EPS8: variants seen among roughly 807,000 people sequenced by gnomAD.
EPS8 encodes the protein EGFR pathway substrate 8, signaling adaptor, also known as epidermal growth factor receptor kinase substrate 8.
A neutral mutation model predicts 103.8 loss-of-function variants in EPS8; 42 were observed. The ratio of observed to expected loss-of-function variants is 0.40; its 90% CI spans 0.32 to 0.52. The LOEUF is 0.52. Among genes scored for constraint, EPS8 ranks in the 20% least tolerant of loss-of-function variants. EPS8 has a pLI of 0.40. For synonymous variants in EPS8, 344 were observed against 344.6 expected, an observed-to-expected ratio of 1.00 and a Z score of 0.02; for missense variants, 969 against 1,005.1, an observed-to-expected ratio of 0.96 and a Z score of 0.49.
Position 15,785,768 on chromosome 12 carries a change from C to T in EPS8, c.-22+3393G>A, listed in dbSNP as rs1212913040. On this transcript the variant is annotated intron_variant, in intron 1 of 20. Transcript: ENST00000281172. This position sits in a 1 kb window ranked among gnomAD's most constrained non-coding sequence, Gnocchi z 4.9. ...ATGTATACAGATGAACCTAGAGCATCTCATAATACCAGAAAGTAAGGAAAT... is the reference window on the plus strand; with the variant it reads ...ATGTATACAGATGAACCTAGAGCATTTCATAATACCAGAAAGTAAGGAAAT... Among the ~76,000 whole-genome samples, 1 of 151,720 alleles carries T rather than the reference C, an allele frequency of 6.6e-6. No individual in the cohort carries two copies. Among genetic ancestry groups the T allele is most frequent in the Non-Finnish European group, 1.5e-5 (1 of 67,912 alleles).
chr12:15,759,038 T>A lies in EPS8; in HGVS notation c.-22+30123A>T, dbSNP rs74063368. Among the ~76,000 whole-genome samples, 479 of 152,292 alleles carry A rather than the reference T, an allele frequency of 3.1e-3. No homozygotes were observed. Among genetic ancestry groups the A allele is most frequent in the African/African-American group, 0.011 (444 of 41,568 alleles). ...CTACAGATTTTTTTTTAAAATTTTT[T>A]AATTAAAAGATGCAGGGGAATTAAA... On this transcript the variant is annotated intron_variant, in intron 1 of 20. Transcript: ENST00000281172. This position sits in a 1 kb window ranked among gnomAD's most constrained non-coding sequence, Gnocchi z 4.9.
At chr12:15,694,456 C>A (rs1318796185) in intron 1 of EPS8, among the ~76,000 whole-genome samples, 3 of 152,166 alleles carry the variant, frequency 2.0e-5, no homozygotes, top group Non-Finnish European at 4.4e-5. Flanking sequence ...CATTACTGTT[C>A]ACGAAAAGCT....
At chr12:15,765,640 A>C (rs1444431489) in intron 1 of EPS8, among the ~76,000 whole-genome samples, 1 of 152,152 alleles carries the variant, frequency 6.6e-6, no homozygotes, top group African/African-American at 2.4e-5. Context: ...AATGGCCAAC[A>C]GAAACTGGAG....
At position 15,708,290 on chromosome 12, in the gene EPS8, G is replaced by A. The variant is rs562796827; in HGVS notation, c.-21-25318C>T. 2.6e-5 allele frequency among the ~76,000 whole-genome samples: 4 copies of A among 152,300 alleles called. No individual in the cohort carries two copies. The South Asian group carries it at 8.3e-4, about 32-fold the overall frequency. On this transcript the variant is annotated intron_variant, in intron 1 of 20. Coordinates refer to ENST00000281172, the MANE Select transcript of EPS8 (RefSeq NM_004447.6). ...TGTAAAGACAGTAATAATACCTACT[G>A]TATCAGGTTTTGTGAGAATTCCATA...
intron 1 of EPS8, among the ~76,000 whole-genome samples, chr12:15,773,123 A>G (rs1488013100): frequency 6.6e-6 from 1 of 152,148 alleles, no homozygotes; most frequent in Non-Finnish European, 1.5e-5. Flanking sequence ...CAGCAAAAGG[A>G]TGTTAAGAGA....
intron 17 of EPS8, among the ~76,000 whole-genome samples, chr12:15,636,020 T>C (rs900408666): frequency 2.6e-5 from 4 of 152,184 alleles, no homozygotes; most frequent in African/African-American, 9.7e-5. Context: ...GGATATATAA[T>C]AAATAACATC....
chr12:15,742,181 C>T (rs1406591572), intron 1 of EPS8, among the ~76,000 whole-genome samples: 1 of 152,190 alleles, frequency 6.6e-6, no homozygotes, highest in African/African-American at 2.4e-5. Flanking sequence ...CATATGTGTG[C>T]ATGTGTCTTT....
rs1268286750 is a variant in EPS8 at position 15,690,743 on chromosome 12, C to T, written c.-21-7771G>A. Reference sequence around the variant, plus strand: ...TATAACTTTATGTCTATGAAAAGTTCACGACTAAGCAGGTAAGTTAAAACC... The same window carrying T: ...TATAACTTTATGTCTATGAAAAGTTTACGACTAAGCAGGTAAGTTAAAACC... On this transcript the variant is annotated intron_variant, in intron 1 of 20. Transcript: ENST00000281172. The surrounding 1 kb of genome is among the most constrained non-coding windows in gnomAD (Gnocchi z 4.7). Among the ~76,000 whole-genome samples the T allele has an allele frequency of 6.6e-6, 1 of 152,138 alleles. No individual in the cohort carries two copies. Among genetic ancestry groups the T allele is most frequent in the Non-Finnish European group, 1.5e-5 (1 of 68,016 alleles).
Position 15,760,532 on chromosome 12 carries a change from T to G in EPS8, c.-22+28629A>C, listed in dbSNP as rs771242126. Among the ~76,000 whole-genome samples the G allele has an allele frequency of 1.3e-5, 2 of 152,018 alleles. No homozygotes were observed. Among genetic ancestry groups the G allele is most frequent in the Non-Finnish European group, 2.9e-5 (2 of 67,918 alleles). ...CTATGAGCCATATCTCCAATAAATA[T>G]TGATGCACAAATCCTCAAACAAATA... On this transcript the variant is annotated intron_variant, in intron 1 of 20. Coordinates refer to ENST00000281172, the MANE Select transcript of EPS8 (RefSeq NM_004447.6). The surrounding 1 kb of genome is among the most constrained non-coding windows in gnomAD (Gnocchi z 4.5).
chr12:15,640,600 T>A, intron 17 of EPS8, 103 bp downstream of exon 17: 1 of 1,021,250 alleles, frequency 9.8e-7, no homozygotes. Flanking sequence ...TATAACCAAC[T>A]ACATCTCAAA....
rs561325364 is a variant in EPS8 at position 15,736,428 on chromosome 12, A to G, written c.-22+52733T>C. Among the ~76,000 whole-genome samples the G allele has an allele frequency of 1.3e-5, 2 of 152,318 alleles. No homozygotes were observed. The highest frequency in any genetic ancestry group is 4.1e-4 in the South Asian group (2 of 4,828). On this transcript the variant is annotated intron_variant, in intron 1 of 20. Transcript: ENST00000281172. This position sits in a 1 kb window ranked among gnomAD's most constrained non-coding sequence, Gnocchi z 4.2. ...AAAATCACTTGCCTGGAGGCCACAC[A>G]TATATGACAACCTCAGCAATGTCAT...
chr12:15,704,736 T>C lies in EPS8; in HGVS notation c.-21-21764A>G, dbSNP rs1176492378. 6.6e-6 allele frequency among the ~76,000 whole-genome samples: 1 copy of C among 152,170 alleles called. No individual in the cohort carries two copies. Among genetic ancestry groups the C allele is most frequent in the Non-Finnish European group, 1.5e-5 (1 of 68,028 alleles). On this transcript the variant is annotated intron_variant, in intron 1 of 20. Transcript: ENST00000281172. The surrounding 1 kb of genome is among the most constrained non-coding windows in gnomAD (Gnocchi z 4.6). ...GATGGTTAAGTTGGTAAATTTAATA[T>C]CAACTTTATCACAATAATTAGAGAA...
intron 1 of EPS8, among the ~76,000 whole-genome samples, chr12:15,685,099 G>A (rs1946072994): frequency 6.6e-6 from 1 of 152,156 alleles, no homozygotes. Flanking sequence ...TTCACGATTG[G>A]CTAAGGATCC....
intron 1 of EPS8, among the ~76,000 whole-genome samples, chr12:15,741,621 A>G (rs947789759): frequency 2.0e-5 from 3 of 152,220 alleles, no homozygotes; most frequent in Non-Finnish European, 4.4e-5. Flanking sequence ...AGCACATATC[A>G]TCTTTTAAAG....
chr12:15,718,053 G>T (rs1476531393), intron 1 of EPS8, among the ~76,000 whole-genome samples: 1 of 152,160 alleles, frequency 6.6e-6, no homozygotes, highest in Non-Finnish European at 1.5e-5. Flanking sequence ...TAGATGTAAA[G>T]TGTTAAGACC....
At chr12:15,711,561 A>G (rs1268370906) in intron 1 of EPS8, among the ~76,000 whole-genome samples, 1 of 152,192 alleles carries the variant, frequency 6.6e-6, no homozygotes, top group Non-Finnish European at 1.5e-5. Flanking sequence ...TACCATTCCA[A>G]GAACATATAT....
At chr12:15,671,027 A>G in intron 3 of EPS8, 104 bp from the exon 4 acceptor site, 1 of 715,750 alleles carries the variant, frequency 1.4e-6, no homozygotes, top group South Asian at 2.0e-5. Flanking sequence ...TCACATATAA[A>G]TACAGTAGCT....
At chr12:15,756,234 C>A (rs571119764) in intron 1 of EPS8, among the ~76,000 whole-genome samples, 5 of 152,178 alleles carry the variant, frequency 3.3e-5, no homozygotes, top group African/African-American at 9.6e-5. Flanking sequence ...TGAGTCTGAC[C>A]ACATTAGCAA....
Position 15,735,283 on chromosome 12 carries a change from C to T in EPS8, c.-21-52311G>A, listed in dbSNP as rs1946757349. Among the ~76,000 whole-genome samples, 3 of 152,264 alleles carry T rather than the reference C, an allele frequency of 2.0e-5. No individual in the cohort carries two copies. The South Asian group carries it at 6.2e-4, about 32-fold the overall frequency. On this transcript the variant is annotated intron_variant, in intron 1 of 20. Coordinates refer to ENST00000281172, the MANE Select transcript of EPS8 (RefSeq NM_004447.6). This position sits in a 1 kb window ranked among gnomAD's most constrained non-coding sequence, Gnocchi z 4.4. Reference sequence around the variant, plus strand: ...TAAAAGAAAAATATTCATTTTGAAGCACAATATGCAAACCATAGTTGCTTT... The same window carrying T: ...TAAAAGAAAAATATTCATTTTGAAGTACAATATGCAAACCATAGTTGCTTT...
Sources: allele counts gnomAD v4.1 joint callset (sites outside exome capture counted in the v4.1 genomes callset), GRCh38; gene constraint gnomAD v4.1.1; non-coding constraint Gnocchi (gnomAD v3.1); transcripts MANE v1.5; gene names NCBI Gene and HGNC (gene_info 2026-07-23, HGNC 2026-07-21).